The following HS6ST2 variants were observed in gnomAD, a reference collection of about 807,000 sequenced individuals.
HS6ST2 encodes heparan-sulfate 6-O-sulfotransferase 2.
HS6ST2 carries 17 observed loss-of-function variants against 33.0 expected under a neutral mutation model. The observed-to-expected ratio is 0.52, with a 90% confidence interval of 0.35 to 0.77. The LOEUF is 0.77. Ranked by LOEUF, HS6ST2 falls within the 30% of genes least tolerant of loss-of-function variation. The pLI is 0.01. For missense variants in HS6ST2, 519 were observed against 551.7 expected, an observed-to-expected ratio of 0.94 and a Z score of 0.59; for synonymous variants, 248 against 237.1, an observed-to-expected ratio of 1.05 and a Z score of -0.42.
chrX:132,747,675 C>T (rs2064658026), intron 2 of HS6ST2, among the ~76,000 whole-genome samples: 1 of 111,164 alleles, frequency 9.0e-6, no homozygotes, highest in Non-Finnish European at 1.9e-5. Context: ...AGGTTGGGCT[C>T]AATGTTCTCC....
intron 2 of HS6ST2, among the ~76,000 whole-genome samples, chrX:132,774,914 CAA>C (rs1366850513): frequency 7.2e-5 from 8 of 110,782 alleles, no homozygotes; most frequent in African/African-American, 9.8e-5. Context: ...CTTCTGACCT[CAA>C]GAGATCTTCC....
chrX:132,875,869 G>A (rs962328866), intron 2 of HS6ST2, among the ~76,000 whole-genome samples: 4 of 110,903 alleles, frequency 3.6e-5, no homozygotes, highest in Non-Finnish European at 7.5e-5. Flanking sequence ...GGTTCTACAC[G>A]ACACTCTGTT....
At chrX:132,859,581 G>A (rs1434308329) in intron 2 of HS6ST2, among the ~76,000 whole-genome samples, 1 of 102,104 alleles carries the variant, frequency 9.8e-6, no homozygotes, top group Non-Finnish European at 2.0e-5. Flanking sequence ...AACTGCTTAG[G>A]AAAAGAAGAA....
chrX:132,862,493 T>G (rs2065922174), intron 2 of HS6ST2, among the ~76,000 whole-genome samples: 1 of 112,383 alleles, frequency 8.9e-6, no homozygotes, highest in African/African-American at 3.2e-5. Flanking sequence ...TTAATTTCTT[T>G]GAACTGTAGC....
chrX:132,720,490 AG>A (rs1166083201), intron 2 of HS6ST2, among the ~76,000 whole-genome samples: 1 of 111,323 alleles, frequency 9.0e-6, no homozygotes, highest in Non-Finnish European at 1.9e-5. Context: ...TGCTGCTGAA[AG>A]GAAAGCCCAA....
intron 2 of HS6ST2, among the ~76,000 whole-genome samples, chrX:132,721,111 A>C: frequency 8.9e-6 from 1 of 112,144 alleles, no homozygotes; most frequent in South Asian, 3.7e-4. Flanking sequence ...ATTTCATCCA[A>C]TGGCTGCAGA....
Position 132,650,195 on chromosome X carries a change from C to A in HS6ST2, c.1067+18918G>T, listed in dbSNP as rs763922641. On this transcript the variant is annotated intron_variant, in intron 4 of 4. Transcript: ENST00000370833. ...TAAGAGAAGTCCAGAAAACCCATTC[C>A]GGAGGTTCAGAGGAAGGTATGGCTG... Among the ~76,000 whole-genome samples the A allele has an allele frequency of 3.6e-5, 4 of 111,575 alleles. No homozygotes were observed. The East Asian group carries it at 1.1e-3, about 32-fold the overall frequency.
intron 2 of HS6ST2, among the ~76,000 whole-genome samples, chrX:132,811,824 G>T: frequency 9.7e-6 from 1 of 102,723 alleles, no homozygotes; most frequent in East Asian, 3.1e-4. Flanking sequence ...ATTATCCTTT[G>T]TGTTACAAAT....
intron 2 of HS6ST2, among the ~76,000 whole-genome samples, chrX:132,945,809 T>C (rs1362350528): frequency 1.2e-5 from 1 of 85,382 alleles, no homozygotes; most frequent in Non-Finnish European, 2.2e-5. Flanking sequence ...ACAAGAACAC[T>C]TGGACACAGG....
rs975684343 is a variant in HS6ST2 at position 132,767,038 on chromosome X, C to T, written c.948-58544G>A. Reference sequence around the variant, plus strand: ...ACCTCAACGACCTGATTACAAAGGACTTCTATAGCAGTCCATGCAAGATCA... The same window carrying T: ...ACCTCAACGACCTGATTACAAAGGATTTCTATAGCAGTCCATGCAAGATCA... On this transcript the variant is annotated intron_variant, in intron 2 of 4. Coordinates refer to ENST00000370833, the MANE Select transcript of HS6ST2 (RefSeq NM_001394073.1). Among the ~76,000 whole-genome samples, 5 of 111,881 alleles carry T rather than the reference C, an allele frequency of 4.5e-5. No individual in the cohort carries two copies. In the Middle Eastern group the frequency reaches 0.018, roughly 411 times the overall value.
chrX:132,813,669 C>T (rs1455123978), intron 2 of HS6ST2, among the ~76,000 whole-genome samples: 2 of 110,761 alleles, frequency 1.8e-5, no homozygotes, highest in African/African-American at 3.3e-5. Flanking sequence ...GCTCTGACCA[C>T]ATCAAATTGG....
intron 3 of HS6ST2, among the ~76,000 whole-genome samples, chrX:132,704,060 A>G (rs1429833577): frequency 8.9e-6 from 1 of 111,991 alleles, no homozygotes; most frequent in East Asian, 2.8e-4. Flanking sequence ...AAAAAAATCT[A>G]TCACTGATAG....
intron 2 of HS6ST2, among the ~76,000 whole-genome samples, chrX:132,716,046 A>G (rs1383815722): frequency 8.9e-6 from 1 of 112,100 alleles, no homozygotes; most frequent in Admixed American, 9.5e-5. Flanking sequence ...ATAGTGTTTT[A>G]TCTGTTGGCG....
chrX:132,631,083 T>C (rs1603287289), intron 4 of HS6ST2, among the ~76,000 whole-genome samples: 1 of 111,880 alleles, frequency 8.9e-6, no homozygotes, highest in Non-Finnish European at 1.9e-5. Context: ...ATTCCAGCTT[T>C]GTACATTGGC....
intron 2 of HS6ST2, among the ~76,000 whole-genome samples, chrX:132,818,160 C>T (rs1011760747): frequency 1.8e-5 from 2 of 110,316 alleles, no homozygotes; most frequent in African/African-American, 3.3e-5. Context: ...TACACGTGTG[C>T]CCCAACCCCT....
chrX:132,805,669 G>A (rs1268424725), intron 2 of HS6ST2, among the ~76,000 whole-genome samples: 2 of 110,164 alleles, frequency 1.8e-5, no homozygotes, highest in African/African-American at 6.5e-5. Context: ...ATGAATCTGA[G>A]GACCAGAGCT....
intron 2 of HS6ST2, among the ~76,000 whole-genome samples, chrX:132,723,620 T>C (rs1451149804): frequency 9.0e-6 from 1 of 111,222 alleles, no homozygotes; most frequent in East Asian, 2.8e-4. Flanking sequence ...TAAAATTCAA[T>C]CTCTCCATGA....
chrX:132,816,725 T>C (rs902632290), intron 2 of HS6ST2, among the ~76,000 whole-genome samples: 1 of 111,493 alleles, frequency 9.0e-6, no homozygotes, highest in Non-Finnish European at 1.9e-5. Flanking sequence ...GTTAAGTGAC[T>C]GTACTTGAGA....
chrX:132,851,244 T>G (rs997693738), intron 2 of HS6ST2, among the ~76,000 whole-genome samples: 1 of 112,185 alleles, frequency 8.9e-6, no homozygotes, highest in African/African-American at 3.2e-5. Context: ...AGTTTCTCTT[T>G]TCTATTCTAC....
Sources: gnomAD v4.1 joint callset for allele counts (sites outside exome capture counted in the v4.1 genomes callset) on GRCh38, gnomAD v4.1.1 for gene constraint, MANE v1.5 for transcripts, NCBI Gene and HGNC (gene_info 2026-07-23, HGNC 2026-07-21) for gene names.